SLC39A11: variants seen among roughly 807,000 people sequenced by gnomAD.
The protein encoded by SLC39A11 is solute carrier family 39 member 11.
Under a neutral mutation model 36.1 loss-of-function variants are expected in SLC39A11, and 33 were observed. That is an observed-to-expected ratio of 0.91 (90% CI 0.69 to 1.22). The LOEUF (loss-of-function observed/expected upper bound fraction) is 1.22. Among genes scored for constraint, SLC39A11 ranks in the 50% most tolerant of loss-of-function variants. The probability of loss-of-function intolerance (pLI) is 0.00; values close to 1 mark genes in which losing one functional copy is unlikely to be tolerated. For missense variants in SLC39A11, 432 were observed against 430.3 expected (o/e 1.00, Z -0.03); for synonymous variants, 166 against 170.3 (o/e 0.97, Z 0.20).
chr17:72,985,612 C>T (rs1469673592), intron 4 of SLC39A11, among the ~76,000 whole-genome samples: 1 of 152,040 alleles, frequency 6.6e-6, no homozygotes, highest in East Asian at 1.9e-4. Context: ...AGGGTTTCGC[C>T]ATGTTGGCCA....
intron 6 of SLC39A11, among the ~76,000 whole-genome samples, chr17:72,844,317 T>G (rs568530243): frequency 1.3e-5 from 2 of 152,264 alleles, no homozygotes; most frequent in African/African-American, 4.8e-5. Context: ...TGGAGACACA[T>G]CTATTTGTAG....
chr17:72,949,144 C>CTTTTTTTTTTTGTTTTT (rs2085664078), intron 4 of SLC39A11, among the ~76,000 whole-genome samples: 1 of 36,474 alleles, frequency 2.7e-5, no homozygotes, highest in Non-Finnish European at 5.4e-5. Context: ...CACTGGGCAG[C>CTTTTTTTTTTTGTTTTT]TTTTTTTTTT....
At chr17:73,057,055 G>T (rs1164071428) in intron 3 of SLC39A11, among the ~76,000 whole-genome samples, 1 of 152,114 alleles carries the variant, frequency 6.6e-6, no homozygotes, top group Non-Finnish European at 1.5e-5. Flanking sequence ...TGCCTCCTGA[G>T]CTCAATTGAT....
At chr17:72,861,665 A>ATATATATATATATATATATATATCC (rs1555605334) in intron 5 of SLC39A11, among the ~76,000 whole-genome samples, 1 of 106,902 alleles carries the variant, frequency 9.4e-6, no homozygotes, top group Non-Finnish European at 1.9e-5. Flanking sequence ...CATTATATAT[A>ATATATATATATATATATATATATCC]TATATATATA....
intron 4 of SLC39A11, among the ~76,000 whole-genome samples, chr17:72,986,926 T>C (rs2088808122): frequency 6.6e-6 from 1 of 152,190 alleles, no homozygotes; most frequent in African/African-American, 2.4e-5. Flanking sequence ...CAGGGTATTG[T>C]CCAATAAACC....
chr17:72,791,266 C>A (rs1568098940), intron 6 of SLC39A11, among the ~76,000 whole-genome samples: 1 of 152,102 alleles, frequency 6.6e-6, no homozygotes, highest in African/African-American at 2.4e-5. Flanking sequence ...ACCAGCCTGG[C>A]CAACATGGTA....
chr17:72,983,095 T>C (rs1489552177), intron 4 of SLC39A11, among the ~76,000 whole-genome samples: 1 of 152,124 alleles, frequency 6.6e-6, no homozygotes, highest in Non-Finnish European at 1.5e-5. Context: ...AGTACCTTCA[T>C]TTGATGGAAT....
intron 3 of SLC39A11, among the ~76,000 whole-genome samples, chr17:73,065,485 TA>T (rs1329905641): frequency 6.6e-6 from 1 of 152,086 alleles, no homozygotes; most frequent in Admixed American, 6.6e-5. Flanking sequence ...GCTTAGAATA[TA>T]AAAAAGTTCT....
intron 7 of SLC39A11, among the ~76,000 whole-genome samples, chr17:72,666,391 T>G (rs540499052): frequency 6.6e-6 from 1 of 152,274 alleles, no homozygotes. Context: ...GGAGGCCAAA[T>G]GAGAAAGGTT....
At chr17:72,928,116 A>G (rs1324078993) in intron 5 of SLC39A11, among the ~76,000 whole-genome samples, 1 of 152,220 alleles carries the variant, frequency 6.6e-6, no homozygotes, top group Non-Finnish European at 1.5e-5. Context: ...AGACAACTGT[A>G]ACCACCCTCT....
chr17:72,680,222 T>C (rs187741693), intron 7 of SLC39A11, among the ~76,000 whole-genome samples: 2 of 152,190 alleles, frequency 1.3e-5, no homozygotes, highest in East Asian at 3.9e-4. Flanking sequence ...AAGCAAATGC[T>C]ATACCCATTA....
chr17:72,971,286 T>C (rs1264647457), intron 4 of SLC39A11, among the ~76,000 whole-genome samples: 1 of 151,852 alleles, frequency 6.6e-6, no homozygotes, highest in Non-Finnish European at 1.5e-5. Context: ...ATGGTTTGTA[T>C]GCACCACTGC....
In SLC39A11 at chr17:72,728,847, G is replaced by A. The variant is rs528252970; in HGVS notation, c.671+7803C>T. On this transcript the variant is annotated intron_variant, in intron 7 of 9. Coordinates refer to ENST00000255559, the MANE Select transcript of SLC39A11 (RefSeq NM_139177.4). The stretch of plus-strand genomic sequence containing the variant: ...ACTCCACGGCACGAGATTAACCTAC[G>A]TCTCCTTGTCACTTGGACTCAAATT... Among the ~76,000 whole-genome samples the A allele has an allele frequency of 9.9e-5, 15 of 152,114 alleles. No homozygotes were observed. In the South Asian group the frequency reaches 1.7e-3, roughly 17 times the overall value.
chr17:73,023,784 CG>C (rs1555682044), intron 4 of SLC39A11, among the ~76,000 whole-genome samples: 1 of 152,192 alleles, frequency 6.6e-6, no homozygotes, highest in Non-Finnish European at 1.5e-5. Context: ...CCACCACACC[CG>C]GTCCCAAAAT....
chr17:72,841,898 C>T (rs1405635960), intron 6 of SLC39A11, among the ~76,000 whole-genome samples: 2 of 120,892 alleles, frequency 1.7e-5, no homozygotes, highest in East Asian at 3.4e-4. Flanking sequence ...CCTGTCTCTA[C>T]AAAAAATACA....
intron 5 of SLC39A11, among the ~76,000 whole-genome samples, chr17:72,925,158 G>C (rs117061397): frequency 6.6e-6 from 1 of 152,106 alleles, no homozygotes; most frequent in Admixed American, 6.5e-5. Context: ...TGAAATACAA[G>C]TGCTCACTGG....
At chr17:72,878,947 TG>T (rs1397616534) in intron 5 of SLC39A11, among the ~76,000 whole-genome samples, 2 of 152,272 alleles carry the variant, frequency 1.3e-5, no homozygotes, top group East Asian at 3.8e-4. Context: ...AGACCTTCCT[TG>T]GGTTCAATTA....
chr17:72,779,576 C>T (rs958360521), intron 6 of SLC39A11, among the ~76,000 whole-genome samples: 22 of 152,172 alleles, frequency 1.4e-4, no homozygotes, highest in Admixed American at 5.9e-4. Context: ...TTCACCTGAC[C>T]GTGCTAACCC....
intron 7 of SLC39A11, among the ~76,000 whole-genome samples, chr17:72,714,028 T>C (rs1268661924): frequency 6.6e-6 from 1 of 152,202 alleles, no homozygotes; most frequent in Non-Finnish European, 1.5e-5. Context: ...GCATAGATAT[T>C]AGGTTTGCCG....
Sources: allele counts gnomAD v4.1 joint callset (sites outside exome capture counted in the v4.1 genomes callset), GRCh38; gene constraint gnomAD v4.1.1; transcripts MANE v1.5; gene names NCBI Gene and HGNC (gene_info 2026-07-23, HGNC 2026-07-21).